CBLB: variants seen among roughly 807,000 people sequenced by gnomAD.
The protein encoded by CBLB is Cbl proto-oncogene B.
Under a neutral mutation model 104.9 loss-of-function variants are expected in CBLB, and 31 were observed. The observed-to-expected ratio is 0.30, with a 90% CI of 0.22 to 0.40. CBLB has a LOEUF of 0.40. Among genes scored for constraint, CBLB ranks in the 10% least tolerant of loss-of-function variants. The pLI is 1.00. For synonymous variants in CBLB, 440 were observed against 422.6 expected (o/e 1.04, Z -0.51); for missense variants, 1,062 against 1,214.6 (o/e 0.87, Z 1.87).
chr3:105,707,100 T>C (rs370300200), intron 10 of CBLB, among the ~76,000 whole-genome samples: 13 of 152,326 alleles, frequency 8.5e-5, no homozygotes, highest in African/African-American at 2.4e-4. Context: ...GAAGAGCCTG[T>C]TGGATACTGA....
intron 3 of CBLB, among the ~76,000 whole-genome samples, chr3:105,784,435 T>C (rs2080711965): frequency 6.6e-6 from 1 of 152,218 alleles, no homozygotes; most frequent in Non-Finnish European, 1.5e-5. Flanking sequence ...TATACTTTTA[T>C]GACCTAGAGT....
At chr3:105,780,653 G>GTTTTTTTTTTTTTTTTT (rs1245925965) in intron 3 of CBLB, among the ~76,000 whole-genome samples, 10 of 84,678 alleles carry the variant, frequency 1.2e-4, no homozygotes, top group East Asian at 3.0e-4. Context: ...TAAAAGTTTT[G>GTTTTTTTTTTTTTTTTT]TTTTTTGTTT....
Position 105,702,124 on chromosome 3 carries a change from T to C in CBLB, c.1929A>G (p.Arg643=). ...GSDPVLMRKH[R]RHDLPLEGAK... The stretch of plus-strand genomic sequence containing the variant: ...CTCCTTCTAAAGGCAAATCATGGCG[T>C]CTGTGTTTCCGCATAAGCACTGGGT... The change falls in exon 12 of 19, where the codon AGA becomes AGG. Residue 643 remains arginine (R), a synonymous_variant. Transcript: ENST00000394030. The C allele has an allele frequency of 6.2e-7, 1 of 1,614,120 alleles. No individual in the cohort carries two copies. The highest frequency in any genetic ancestry group is 8.5e-7 in the Non-Finnish European group (1 of 1,179,992).
At chr3:105,780,653 G>GCTTTTTTT (rs1553788918) in intron 3 of CBLB, among the ~76,000 whole-genome samples, 1 of 84,688 alleles carries the variant, frequency 1.2e-5, no homozygotes, top group African/African-American at 3.9e-5. Context: ...TAAAAGTTTT[G>GCTTTTTTT]TTTTTTGTTT....
intron 12 of CBLB, among the ~76,000 whole-genome samples, chr3:105,701,746 A>G (rs1354794071): frequency 1.4e-5 from 2 of 146,086 alleles, no homozygotes; most frequent in African/African-American, 5.1e-5. Context: ...CTGGGGGGCA[A>G]GAGCGAGGCT....
At chr3:105,668,405 GT>G in intron 18 of CBLB, among the ~76,000 whole-genome samples, 1 of 152,144 alleles carries the variant, frequency 6.6e-6, no homozygotes, top group East Asian at 1.9e-4. Context: ...TTGGCTACAA[GT>G]TTTCCCCTAA....
chr3:105,868,799 C>T lies in CBLB; in HGVS notation c.-78G>A. 2 of 992,498 alleles carry T rather than the reference C, an allele frequency of 2.0e-6. No homozygotes were observed. The highest frequency in any genetic ancestry group is 2.4e-6 in the Non-Finnish European group (2 of 834,746). The allele number at this position is 992,498 out of a possible 1,614,324, so 61.5% of individuals were successfully genotyped here. On this transcript the variant is annotated 5_prime_UTR_variant, in exon 1 of 19. Transcript: ENST00000394030. Reference sequence around the variant, plus strand: ...CGGGTCCCACTCCACACGCACGCAGCCCAGTGTGTGTGGGGAGCCCCGGCT... The same window carrying T: ...CGGGTCCCACTCCACACGCACGCAGTCCAGTGTGTGTGGGGAGCCCCGGCT...
At chr3:105,762,877 C>A (rs1349320791) in intron 4 of CBLB, among the ~76,000 whole-genome samples, 1 of 152,194 alleles carries the variant, frequency 6.6e-6, no homozygotes, top group Non-Finnish European at 1.5e-5. Flanking sequence ...GCACCATGCA[C>A]CTGGAAAAGC....
intron 18 of CBLB, among the ~76,000 whole-genome samples, chr3:105,661,271 C>G (rs561994955): frequency 5.9e-5 from 9 of 152,132 alleles, no homozygotes; most frequent in African/African-American, 2.2e-4. Context: ...AATTAAACAT[C>G]TCAAACTATT....
intron 3 of CBLB, among the ~76,000 whole-genome samples, chr3:105,793,458 G>A (rs1185087365): frequency 1.4e-5 from 2 of 137,944 alleles, no homozygotes; most frequent in Non-Finnish European, 3.0e-5. Context: ...GTTTCCAGAT[G>A]CTTTAAGAGA....
At chr3:105,684,646 G>A (rs1444208987) in intron 14 of CBLB, among the ~76,000 whole-genome samples, 2 of 151,650 alleles carry the variant, frequency 1.3e-5, no homozygotes, top group Non-Finnish European at 2.9e-5. Flanking sequence ...TCCGCCTCCC[G>A]GGTTCAAGCG....
chr3:105,837,917 C>T (rs1419250234), intron 3 of CBLB, among the ~76,000 whole-genome samples: 2 of 152,042 alleles, frequency 1.3e-5, no homozygotes, highest in African/African-American at 2.4e-5. Context: ...CAGGCCCCAG[C>T]AGCTCGTAAT....
At chr3:105,666,086 A>C (rs562083221) in intron 18 of CBLB, among the ~76,000 whole-genome samples, 178 of 152,224 alleles carry the variant, frequency 1.2e-3, no homozygotes, top group Non-Finnish European at 1.8e-3. Flanking sequence ...GGACTATAGT[A>C]AATGCTTAAC....
intron 3 of CBLB, among the ~76,000 whole-genome samples, chr3:105,833,602 G>T (rs998955297): frequency 1.3e-5 from 2 of 151,522 alleles, no homozygotes; most frequent in Non-Finnish European, 2.9e-5. Context: ...AGTACTTAGG[G>T]GTATTATAAA....
chr3:105,744,938 G>GCAAAA (rs781015085), intron 6 of CBLB, among the ~76,000 whole-genome samples: 5 of 151,184 alleles, frequency 3.3e-5, no homozygotes, highest in African/African-American at 9.7e-5. Flanking sequence ...CAAAAACAAA[G>GCAAAA]CAAAACAAAA....
intron 6 of CBLB, among the ~76,000 whole-genome samples, chr3:105,743,232 T>C (rs917452986): frequency 2.6e-5 from 4 of 151,878 alleles, no homozygotes; most frequent in Admixed American, 1.3e-4. Flanking sequence ...CTGAGCAAGG[T>C]GGATCATTTG....
At chr3:105,759,502 C>T (rs541878424) in intron 4 of CBLB, among the ~76,000 whole-genome samples, 1 of 152,216 alleles carries the variant, frequency 6.6e-6, no homozygotes, top group African/African-American at 2.4e-5. Flanking sequence ...GGGTCACCTG[C>T]AGGCCCATGC....
At chr3:105,846,880 T>C (rs1210879801) in intron 3 of CBLB, among the ~76,000 whole-genome samples, 1 of 152,110 alleles carries the variant, frequency 6.6e-6, no homozygotes, top group African/African-American at 2.4e-5. Flanking sequence ...CTTTATATGG[T>C]AAACTGAAAA....
chr3:105,745,677 A>C (rs13325297), intron 6 of CBLB, among the ~76,000 whole-genome samples: 2,191 of 152,344 alleles, frequency 0.014, 45 homozygotes, highest in African/African-American at 0.05. Context: ...ATAAACACGG[A>C]TATCATGAAA....
Sources: allele counts gnomAD v4.1 joint callset (sites outside exome capture counted in the v4.1 genomes callset), GRCh38; gene constraint gnomAD v4.1.1; transcripts MANE v1.5; gene names NCBI Gene and HGNC (gene_info 2026-07-23, HGNC 2026-07-21).